The following NCAM1 variants were observed in gnomAD, a reference collection of about 807,000 sequenced individuals.
The protein encoded by NCAM1 is neural cell adhesion molecule 1.
In NCAM1, 14 loss-of-function variants were observed where a neutral mutation model predicts 109.8. That is an observed-to-expected ratio of 0.13 (90% CI 0.08 to 0.20). The LOEUF is 0.20. Ranked by LOEUF, NCAM1 falls within the 10% of genes least tolerant of loss-of-function variation. The probability of loss-of-function intolerance (pLI) is 1.00; values close to 1 mark genes in which losing one functional copy is unlikely to be tolerated. For synonymous variants in NCAM1, 418 were observed against 442.9 expected, an observed-to-expected ratio of 0.94 and a Z score of 0.70; for missense variants, 774 against 1,109.9, an observed-to-expected ratio of 0.70 and a Z score of 4.30.
intron 17 of NCAM1, chr11:113,264,443 C>T (rs868977098): frequency 9.1e-6 from 9 of 985,442 alleles, no homozygotes; most frequent in Middle Eastern, 5.2e-4. Flanking sequence ...TGCCTCTCAA[C>T]CCAGCCACAA....
intron 1 of NCAM1, among the ~76,000 whole-genome samples, chr11:113,033,992 T>C (rs1952791981): frequency 6.6e-6 from 1 of 152,172 alleles, no homozygotes; most frequent in Non-Finnish European, 1.5e-5. Flanking sequence ...TTGCAATTTA[T>C]TCTGATTTCT....
intron 1 of NCAM1, among the ~76,000 whole-genome samples, chr11:113,150,265 G>GA (rs1159848105): frequency 7.2e-5 from 11 of 152,052 alleles, no homozygotes; most frequent in African/African-American, 2.2e-4. Context: ...TGTTCTTTTT[G>GA]AAAAAAATGG....
intron 1 of NCAM1, among the ~76,000 whole-genome samples, chr11:113,200,833 G>A (rs1944032102): frequency 6.6e-6 from 1 of 152,132 alleles, no homozygotes; most frequent in African/African-American, 2.4e-5. Context: ...GGAGAGGCAG[G>A]GGAAGACTTT....
At chr11:113,251,413 T>C (rs1177337117) in intron 15 of NCAM1, among the ~76,000 whole-genome samples, 1 of 152,178 alleles carries the variant, frequency 6.6e-6, no homozygotes, top group Admixed American at 6.5e-5. Context: ...GCCAGAAATA[T>C]ACATTTCAAT....
In NCAM1 at chr11:113,268,888, TA is replaced by T. The variant is rs367845494; in HGVS notation, c.2132-1299del. 1.5e-4 allele frequency among the ~76,000 whole-genome samples: 23 copies of T among 152,268 alleles called. No individual in the cohort carries two copies. In the East Asian group the frequency reaches 3.9e-3, roughly 26 times the overall value. ...GGGGTGAGCCCCAGGTAGTGCTGGC[TA>T]CAGTTCCCATCTTCAGTCTGCAGTC... On this transcript the variant is annotated intron_variant, in intron 17 of 19. Transcript: ENST00000316851.
At chr11:113,272,680 T>C (rs181729108) in intron 19 of NCAM1, among the ~76,000 whole-genome samples, 1 of 152,218 alleles carries the variant, frequency 6.6e-6, no homozygotes, top group Admixed American at 6.5e-5. Flanking sequence ...TGGAGAGACA[T>C]CAGCAGGGAA....
chr11:113,270,893 A>AGG (rs1946253969), intron 18 of NCAM1, among the ~76,000 whole-genome samples: 1 of 152,202 alleles, frequency 6.6e-6, no homozygotes, highest in Non-Finnish European at 1.5e-5. Context: ...CTGATGATCC[A>AGG]GATACTGTCC....
intron 1 of NCAM1, among the ~76,000 whole-genome samples, chr11:113,012,059 C>A (rs1439836770): frequency 2.0e-5 from 3 of 149,324 alleles, no homozygotes; most frequent in African/African-American, 4.9e-5. Context: ...TTCTCCGTCT[C>A]CCAGGCTGGA....
chr11:113,275,532 T>A lies in NCAM1; in HGVS notation c.*145T>A, dbSNP rs1026266131. 9.0e-7 allele frequency: 1 copy of A among 1,105,716 alleles called. No individual in the cohort carries two copies. Among genetic ancestry groups the A allele is most frequent in the Non-Finnish European group, 1.2e-6 (1 of 804,316 alleles). 68.5% of individuals were successfully genotyped at this position (1,105,716 alleles called of 1,614,324 possible). A position where few individuals can be genotyped will look rare whatever the true frequency, so the allele number is the denominator to read the frequency against. On this transcript the variant is annotated 3_prime_UTR_variant, in exon 20 of 20. Coordinates refer to ENST00000316851, the MANE Select transcript of NCAM1 (RefSeq NM_181351.5). ...CACATCTCATTTCTCTAGTGTCTTT[T>A]GCCTTTAAAAAAAACTAAACAGATA...
At chr11:113,264,307 C>T in intron 17 of NCAM1, 1 of 985,244 alleles carries the variant, frequency 1.0e-6, no homozygotes, top group Non-Finnish European at 1.2e-6. Context: ...CCAAATGATC[C>T]CATGCTGTGG....
intron 1 of NCAM1, among the ~76,000 whole-genome samples, chr11:113,117,558 G>C (rs2011507): frequency 0.083 from 12,590 of 152,042 alleles, 732 homozygotes; most frequent in East Asian, 0.12. Context: ...AAATTTTGGT[G>C]ACCATCCAGA....
intron 1 of NCAM1, among the ~76,000 whole-genome samples, chr11:113,073,443 C>T (rs1555085633): frequency 6.6e-6 from 1 of 152,216 alleles, no homozygotes; most frequent in Non-Finnish European, 1.5e-5. Context: ...CCATATCTCA[C>T]AAGCCACAGG....
chr11:113,107,716 C>T (rs1940238234), intron 1 of NCAM1, among the ~76,000 whole-genome samples: 1 of 152,122 alleles, frequency 6.6e-6, no homozygotes, highest in Non-Finnish European at 1.5e-5. Context: ...AATTATCTCC[C>T]ACTGGGTCCC....
At chr11:113,229,223 A>C (rs1389962459) in intron 9 of NCAM1, among the ~76,000 whole-genome samples, 2 of 147,924 alleles carry the variant, frequency 1.4e-5, no homozygotes, top group Admixed American at 1.4e-4. Context: ...CAATGAACTC[A>C]AACAAATTTA....
chr11:113,035,669 T>C (rs1940714), intron 1 of NCAM1, among the ~76,000 whole-genome samples: 68,629 of 152,110 alleles, frequency 0.45, 16,390 homozygotes, highest in East Asian at 0.8. Flanking sequence ...ATAAGAAGCA[T>C]TGGAATATTT....
intron 9 of NCAM1, chr11:113,231,326 C>G: frequency 6.5e-7 from 1 of 1,527,144 alleles, no homozygotes; most frequent in Non-Finnish European, 8.8e-7. Context: ...GGCTTTGCTT[C>G]CATTTTAGAC....
chr11:113,240,916 A>T (rs149374112), intron 14 of NCAM1: 1 of 1,341,886 alleles, frequency 7.5e-7, no homozygotes, highest in Non-Finnish European at 1.1e-6. Flanking sequence ...TATCTCCTTC[A>T]CCAGGTGATA....
At chr11:113,101,845 TTC>T (rs782691118) in intron 1 of NCAM1, among the ~76,000 whole-genome samples, 1 of 152,204 alleles carries the variant, frequency 6.6e-6, no homozygotes, top group Non-Finnish European at 1.5e-5. Flanking sequence ...GCCTTGCTAT[TTC>T]CCAAGATGTG....
intron 7 of NCAM1, among the ~76,000 whole-genome samples, chr11:113,209,376 TGAGA>T (rs1944328095): frequency 6.6e-6 from 1 of 152,252 alleles, no homozygotes; most frequent in Non-Finnish European, 1.5e-5. Context: ...CGTACGTATT[TGAGA>T]GAGAAAGCTA....
Sources: gnomAD v4.1 joint callset for allele counts (sites outside exome capture counted in the v4.1 genomes callset) on GRCh38, gnomAD v4.1.1 for gene constraint, MANE v1.5 for transcripts, NCBI Gene and HGNC (gene_info 2026-07-23, HGNC 2026-07-21) for gene names.